MATN4: variants seen among roughly 807,000 people sequenced by gnomAD.
MATN4 encodes matrilin-4.
MATN4 carries 40 observed loss-of-function variants against 54.6 expected under a neutral mutation model. That is an observed-to-expected ratio of 0.73 (90% CI 0.57 to 0.95). The LOEUF is 0.95. Among genes scored for constraint, MATN4 ranks in the 40% least tolerant of loss-of-function variants. The pLI is 0.00. For missense variants in MATN4, 810 were observed against 819.1 expected, an observed-to-expected ratio of 0.99 and a Z score of 0.13; for synonymous variants, 351 against 345.3, an observed-to-expected ratio of 1.02 and a Z score of -0.18.
At position 45,298,310 on chromosome 20, in the gene MATN4, C is replaced by T; in HGVS notation, c.1286G>A (p.Arg429Gln). The change falls in exon 7 of 10, where the codon CGG (arginine) becomes CAG (glutamine). Residue 429 changes from arginine to glutamine, a missense_variant. Arg to Gln is a conservative substitution (Grantham distance 43). Coordinates refer to ENST00000372756, the MANE Select transcript of MATN4 (RefSeq NM_001393530.1). This position sits in a 1 kb window ranked among gnomAD's most constrained non-coding sequence, Gnocchi z 4.6. ...ERGTMTGLAL[R>Q]HMVEHSFSEA... is the part of the protein sequence containing the mutation. ...GGAGAAGCTGTGCTCCACCATGTGC[C>T]GCAACGCCAGCCCTGTCATGGTGCC... 5 of 1,613,518 alleles carry T rather than the reference C, an allele frequency of 3.1e-6. No individual in the cohort carries two copies. Among genetic ancestry groups the T allele is most frequent in the Non-Finnish European group, 3.4e-6 (4 of 1,179,900 alleles).
chr20:45,293,985 C>T lies in MATN4; in HGVS notation c.1610G>A (p.Arg537Gln), dbSNP rs2145635452. Residue 537 changes from arginine to glutamine, a missense_variant, in exon 9 of 10, where the codon CGG becomes CAG. Coordinates refer to ENST00000372756, the MANE Select transcript of MATN4 (RefSeq NM_001393530.1). ...GAGGCTTTCGCATTCGCATGGGCTCCGAAGCTCTGTCCCTGCGCTGATGCC... is the reference window on the plus strand; with the variant it reads ...GAGGCTTTCGCATTCGCATGGGCTCTGAAGCTCTGTCCCTGCGCTGATGCC... The part of the protein sequence containing the change: ...EEGISAGTEL[R>Q]SPCECESLVE... 6.2e-7 allele frequency: 1 copy of T among 1,603,064 alleles called. No individual in the cohort carries two copies.
chr20:45,300,783 T>C (rs1219798856), intron 6 of MATN4, 104 bp downstream of exon 6: 1 of 1,440,474 alleles, frequency 6.9e-7, no homozygotes, highest in Non-Finnish European at 9.5e-7. Context: ...CACACAGACA[T>C]TCACACCACA....
At chr20:45,303,103 A>AAAAAG (rs1555854275) in intron 3 of MATN4, among the ~76,000 whole-genome samples, 1 of 87,438 alleles carries the variant, frequency 1.1e-5, no homozygotes, top group African/African-American at 4.7e-5. Flanking sequence ...AAAAAAAAAA[A>AAAAAG]AGAGAGAGAG....
chr20:45,307,017 C>T, intron 1 of MATN4: 1 of 959,112 alleles, frequency 1.0e-6, no homozygotes, highest in East Asian at 3.3e-5. Flanking sequence ...CCACCCCCTC[C>T]CCACTATACA....
rs1986028449 is a variant in MATN4, at chr20:45,298,634, C to T, written c.1013-51G>A. The T allele has an allele frequency of 3.5e-6, 5 of 1,426,540 alleles. No individual in the cohort carries two copies. Among genetic ancestry groups the T allele is most frequent in the Non-Finnish European group, 4.7e-6 (5 of 1,055,670 alleles). 88.4% of individuals were successfully genotyped at this position (1,426,540 alleles called of 1,614,324 possible). On this transcript the variant is annotated intron_variant, in intron 6 of 9. Transcript: ENST00000372756. This position sits in a 1 kb window ranked among gnomAD's most constrained non-coding sequence, Gnocchi z 4.6. ...GAGGGACCAGATTCTGGACTGGCAG[C>T]AGCTGTCTATCCATCTAGTCGTTCA...
At chr20:45,305,805 C>CTTTATTTTTTTTTTTTTTTTTTTTTTTTT (rs1986595069) in intron 1 of MATN4, among the ~76,000 whole-genome samples, 189 bp from the exon 2 acceptor site, 1 of 64,676 alleles carries the variant, frequency 1.5e-5, no homozygotes, top group Non-Finnish European at 2.6e-5. Flanking sequence ...ACAAGAGATT[C>CTTTATTTTTTTTTTTTTTTTTTTTTTTTT]TTTTTTTTTT....
At chr20:45,294,088 G>T in intron 8 of MATN4, 73 bp from the exon 9 acceptor site, 2 of 1,197,976 alleles carry the variant, frequency 1.7e-6, no homozygotes, top group South Asian at 1.3e-5. Context: ...TCCCTGCACT[G>T]GGCCTATGGT....
rs1459087610 is a variant in MATN4 at position 45,297,975 on chromosome 20, G to A, written c.1522C>T (p.Pro508Ser). 6.2e-7 allele frequency: 1 copy of A among 1,614,000 alleles called. No individual in the cohort carries two copies. The highest frequency in any genetic ancestry group is 8.5e-7 in the Non-Finnish European group (1 of 1,180,032). ...EPAELHVSYA[P>S]DFGTMTHLLE... Reference sequence around the variant, plus strand: ...AGGTGCGTCATGGTGCCGAAGTCCGGGGCATAGGACACGTGCAGTTCCGCT... The same window carrying A: ...AGGTGCGTCATGGTGCCGAAGTCCGAGGCATAGGACACGTGCAGTTCCGCT... The change falls in exon 8 of 10, where the codon CCG becomes TCG. Residue 508 changes from proline to serine, a missense_variant. Physicochemically the swap from Pro to Ser is moderately conservative, Grantham distance 74. Coordinates refer to ENST00000372756, the MANE Select transcript of MATN4 (RefSeq NM_001393530.1).
At chr20:45,302,183 C>T (rs1304457068) in intron 3 of MATN4, among the ~76,000 whole-genome samples, 2 of 152,084 alleles carry the variant, frequency 1.3e-5, no homozygotes, top group Non-Finnish European at 2.9e-5. Flanking sequence ...AGCAGAGGCT[C>T]ACAGCAAGAG....
intron 1 of MATN4, among the ~76,000 whole-genome samples, chr20:45,307,260 C>T (rs1201127684): frequency 6.6e-6 from 1 of 152,162 alleles, no homozygotes; most frequent in African/African-American, 2.4e-5. Context: ...AACCCAACAG[C>T]AGCTCCGCCC....
chr20:45,293,723 C>G lies in MATN4; in HGVS notation c.*44G>C. The stretch of plus-strand genomic sequence containing the variant: ...ACCGATGGCGCGCAAGGGGCACCGT[C>G]CGTGGTGCCGCGCCCCAGCCCGGGT... On this transcript the variant is annotated 3_prime_UTR_variant, in exon 10 of 10. Transcript: ENST00000372756. 6.5e-7 allele frequency: 1 copy of G among 1,545,538 alleles called. No individual in the cohort carries two copies. Among genetic ancestry groups the G allele is most frequent in the Non-Finnish European group, 8.7e-7 (1 of 1,146,374 alleles).
intron 8 of MATN4, among the ~76,000 whole-genome samples, chr20:45,295,614 C>A (rs1015832400): frequency 6.6e-6 from 1 of 151,994 alleles, no homozygotes; most frequent in Non-Finnish European, 1.5e-5. Flanking sequence ...GTCTCGATCC[C>A]CTGACCTTGT....
intron 1 of MATN4, among the ~76,000 whole-genome samples, chr20:45,307,417 TG>T (rs917543184): frequency 5.3e-5 from 8 of 152,080 alleles, no homozygotes; most frequent in African/African-American, 1.9e-4. Context: ...GGGCCCGTCG[TG>T]GGAGGGTGAC....
chr20:45,299,285 G>A (rs1986064420), intron 6 of MATN4, among the ~76,000 whole-genome samples: 1 of 152,148 alleles, frequency 6.6e-6, no homozygotes, highest in Non-Finnish European at 1.5e-5. Flanking sequence ...CCTGTTCCAT[G>A]AGGACAGAGC....
In MATN4 at chr20:45,301,117, C is replaced by G. The variant is rs1218687308; in HGVS notation, c.874G>C (p.Gly292Arg). ...CCCTCCTCACCCTGACAGCTCCTCC[C>G]ATCAGGCTGCAAGTCATGGCCCTCT... ...CREGHDLQPD[G>R]RSCQVRDLCN... is the part of the protein sequence containing the mutation. Residue 292 changes from glycine to arginine, a missense_variant, in exon 5 of 10, where the codon GGG (glycine) becomes CGG (arginine). Transcript: ENST00000372756. 1 of 1,614,202 alleles carries G rather than the reference C, an allele frequency of 6.2e-7. No homozygotes were observed.
Position 45,304,344 on chromosome 20 carries a change from G to A in MATN4, c.527C>T (p.Ala176Val), listed in dbSNP as rs757204270. The change falls in exon 3 of 10, where the codon GCG (alanine) becomes GTG (valine). Residue 176 changes from alanine (A) to valine (V), a missense_variant. Ala to Val is a moderately conservative substitution (Grantham distance 64). Coordinates refer to ENST00000372756, the MANE Select transcript of MATN4 (RefSeq NM_001393530.1). ...IEIYAVGVQR[A>V]DVGSLRAMAS... ...CATGGCGCGCAGGGAGCCCACGTCCGCGCGCTGCACCCCCACCGCGTAAAT... is the reference window on the plus strand; with the variant it reads ...CATGGCGCGCAGGGAGCCCACGTCCACGCGCTGCACCCCCACCGCGTAAAT... 110 of 1,508,008 alleles carry A rather than the reference G, an allele frequency of 7.3e-5. No individual in the cohort carries two copies. The highest frequency in any genetic ancestry group is 9.7e-5 in the Non-Finnish European group (110 of 1,129,032). The allele number at this position is 1,508,008 out of a possible 1,614,324, so 93.4% of individuals were successfully genotyped here. A position where few individuals can be genotyped will look rare whatever the true frequency, so the allele number is the denominator to read the frequency against.
At position 45,298,080 on chromosome 20, in the gene MATN4, C is replaced by T; in HGVS notation, c.1427-10G>A. 6.2e-7 allele frequency: 1 copy of T among 1,610,760 alleles called. No individual in the cohort carries two copies. The highest frequency in any genetic ancestry group is 8.5e-7 in the Non-Finnish European group (1 of 1,177,858). On this transcript the variant is annotated splice_polypyrimidine_tract_variant and intron_variant, in intron 7 of 9. Transcript: ENST00000372756. The surrounding 1 kb of genome is among the most constrained non-coding windows in gnomAD (Gnocchi z 4.6). Reference sequence around the variant, plus strand: ...GCGTACATGACGATGCCTGCAAGGCCGGGGTCTCAGAGGGTGCCCCAGGCC... The same window carrying T: ...GCGTACATGACGATGCCTGCAAGGCTGGGGTCTCAGAGGGTGCCCCAGGCC...
rs1986225573 is a variant in MATN4 at position 45,301,411 on chromosome 20, A to G, written c.676T>C (p.Cys226Arg). The G allele has an allele frequency of 1.2e-6, 2 of 1,614,090 alleles. No individual in the cohort carries two copies. Among genetic ancestry groups the G allele is most frequent in the South Asian group, 2.2e-5 (2 of 91,080 alleles). Residue 226 changes from cysteine (C) to arginine (R), a missense_variant, in exon 4 of 10, where the codon TGT (cysteine) becomes CGT (arginine). By Grantham distance (180) the Cys-to-Arg change is radical (BLOSUM62 -3). Coordinates refer to ENST00000372756, the MANE Select transcript of MATN4 (RefSeq NM_001393530.1). ...IDLCAEGTHG[C>R]EHHCVNSPGS... ...GGGGAATTGACGCAGTGGTGCTCAC[A>G]TCCATGGGTCCCTTCAGCACACAGA...
At chr20:45,303,518 A>C (rs1986376427) in intron 3 of MATN4, 2 of 708,676 alleles carry the variant, frequency 2.8e-6, no homozygotes, top group East Asian at 5.4e-5. Context: ...TTCCCTGAGG[A>C]CACACAGGAC....
Sources: gnomAD v4.1 joint callset for allele counts (sites outside exome capture counted in the v4.1 genomes callset) on GRCh38, gnomAD v4.1.1 for gene constraint, Gnocchi (gnomAD v3.1) non-coding constraint, MANE v1.5 for transcripts, NCBI Gene and HGNC (gene_info 2026-07-23, HGNC 2026-07-21) for gene names.